PAN2: variants seen among roughly 807,000 people sequenced by gnomAD.
PAN2 encodes the protein poly(A) specific ribonuclease subunit PAN2, also known as PAN2-PAN3 deadenylation complex catalytic subunit PAN2.
A neutral mutation model predicts 133.3 loss-of-function variants in PAN2; 68 were observed. The observed-to-expected ratio is 0.51, with a 90% CI of 0.42 to 0.62. The LOEUF (loss-of-function observed/expected upper bound fraction) is 0.62, where lower values mean the gene tolerates loss of function less well. Ranked by LOEUF, PAN2 falls within the 20% of genes least tolerant of loss-of-function variation. The pLI, the probability that PAN2 is intolerant of heterozygous loss-of-function variation, is 0.00. For missense variants in PAN2, 1,042 were observed against 1,500.5 expected (o/e 0.69, Z 5.05); for synonymous variants, 462 against 544.6 (o/e 0.85, Z 2.11).
Position 56,326,293 on chromosome 12 carries a change from A to T in PAN2, c.1359+20T>A. The T allele has an allele frequency of 6.4e-7, 1 of 1,566,076 alleles. No homozygotes were observed. Among genetic ancestry groups the T allele is most frequent in the Non-Finnish European group, 8.7e-7 (1 of 1,145,350 alleles). On this transcript the variant is annotated intron_variant, in intron 8 of 25. Transcript: ENST00000440411. The stretch of plus-strand genomic sequence containing the variant: ...CTTCAGTGGGCCGGGGTCGGGGCTG[A>T]CCCTCCACTCTGAACACACCTGATT...
intron 6 of PAN2, 89 bp from the exon 7 acceptor site, chr12:56,327,048 G>T: frequency 9.0e-7 from 1 of 1,109,414 alleles, no homozygotes; most frequent in Non-Finnish European, 1.3e-6. Context: ...CCTGATTTCA[G>T]GACAAGATGG....
Position 56,325,360 on chromosome 12 carries a change from T to C in PAN2, c.1454A>G (p.His485Arg). Residue 485 changes from histidine to arginine, a missense_variant, in exon 9 of 26, where the codon CAC (histidine) becomes CGC (arginine). Physicochemically the swap from His to Arg is conservative, Grantham distance 29. This residue lies in a region of PAN2 where 908 missense variants were observed against 1,223.5 expected (regional missense o/e 0.74). Coordinates refer to ENST00000440411, the MANE Select transcript of PAN2 (RefSeq NM_014871.6). Reference sequence around the variant, plus strand: ...CTTGCGGTATTTCTTAGAAACCATGTGGAGATGTGGTTCCTCTTCTCGTCC... The same window carrying C: ...CTTGCGGTATTTCTTAGAAACCATGCGGAGATGTGGTTCCTCTTCTCGTCC... ...PVGREEEPHL[H>R]MVSKKYRKVT... 4 of 1,614,132 alleles carry C rather than the reference T, an allele frequency of 2.5e-6. No individual in the cohort carries two copies. The highest frequency in any genetic ancestry group is 3.4e-6 in the Non-Finnish European group (4 of 1,179,972).
chr12:56,323,678 C>A, intron 14 of PAN2, 80 bp from the exon 15 acceptor site: 1 of 1,467,206 alleles, frequency 6.8e-7, no homozygotes, highest in South Asian at 1.1e-5. Context: ...TCTGCGTCTT[C>A]AAACTGGGAT....
At position 56,328,652 on chromosome 12, in the gene PAN2, CA is replaced by C. The variant is rs1875388689; in HGVS notation, c.283-12del. ...TGAAGTGGCATGGCCCTATAGAGGA[CA>C]AAGACAACAGAGACACTTAGAGTGG... On this transcript the variant is annotated splice_polypyrimidine_tract_variant and intron_variant, in intron 2 of 25. Coordinates refer to ENST00000440411, the MANE Select transcript of PAN2 (RefSeq NM_014871.6). 3 of 1,612,916 alleles carry C rather than the reference CA, an allele frequency of 1.9e-6. No individual in the cohort carries two copies. Among genetic ancestry groups the C allele is most frequent in the African/African-American group, 1.3e-5 (1 of 74,910 alleles).
At position 56,317,660 on chromosome 12, in the gene PAN2, CA is replaced by C. The variant is rs767335246; in HGVS notation, c.3563-18del. 6.2e-7 allele frequency: 1 copy of C among 1,611,664 alleles called. No homozygotes were observed. The highest frequency in any genetic ancestry group is 1.7e-5 in the Admixed American group (1 of 59,998). On this transcript the variant is annotated intron_variant, in intron 25 of 25. Coordinates refer to ENST00000440411, the MANE Select transcript of PAN2 (RefSeq NM_014871.6). ...CAGCTGCATCTGTCAGAGACAAAAC[CA>C]AAAGCATGATTCAAGCTGAGTGGAG... is the stretch of plus-strand genomic sequence containing the variant.
In PAN2 at chr12:56,324,102, C is replaced by T; in HGVS notation, c.2012G>A (p.Ser671Asn). 6.2e-7 allele frequency: 1 copy of T among 1,614,178 alleles called. No individual in the cohort carries two copies. The highest frequency in any genetic ancestry group is 8.5e-7 in the Non-Finnish European group (1 of 1,180,038). ...AGTGGATGAGGCTCGCACGGTCTCACTGCCACAGCGGCAGAGGCTGCAGTT... is the reference window on the plus strand; with the variant it reads ...AGTGGATGAGGCTCGCACGGTCTCATTGCCACAGCGGCAGAGGCTGCAGTT... ...MENCSLCRCG[S>N]ETVRASSTLL... Residue 671 changes from serine to asparagine, a missense_variant, in exon 13 of 26, where the codon AGT (serine) becomes AAT (asparagine). Ser to Asn is a conservative substitution (Grantham distance 46, BLOSUM62 1). Transcript: ENST00000440411.
At chr12:56,329,843 C>T (rs1347267963) in intron 2 of PAN2, among the ~76,000 whole-genome samples, 1 of 150,040 alleles carries the variant, frequency 6.7e-6, no homozygotes, top group African/African-American at 2.5e-5. Flanking sequence ...ACTCAGGAGG[C>T]TGAGGCAGGA....
rs1876074985 is a variant in PAN2, at chr12:56,332,857, G to C, written c.238C>G (p.His80Asp). Residue 80 changes from histidine to aspartate, a missense_variant, in exon 2 of 26, where the codon CAC becomes GAC. His to Asp is a moderately conservative substitution (Grantham distance 81). Transcript: ENST00000440411. ...AGCATCTCCTCGTGCAAGTCAAAGT[G>C]GGAGACGGAAACAGGTACACCCACT... ...AEVGVPVSVS[H>D]FDLHEEMLWV... The C allele has an allele frequency of 6.2e-7, 1 of 1,614,058 alleles. No individual in the cohort carries two copies. Among genetic ancestry groups the C allele is most frequent in the African/African-American group, 1.3e-5 (1 of 74,918 alleles).
Position 56,318,367 on chromosome 12 carries a change from TCG to T in PAN2, c.3430_3431del (p.Arg1144LysfsTer11). On this transcript the variant is annotated frameshift_variant, in exon 25 of 26. Coordinates refer to ENST00000440411, the MANE Select transcript of PAN2 (RefSeq NM_014871.6). LOFTEE classifies it high-confidence loss of function. ...CATTTTTGCTTAGCTCCAGATACTTTCGGTACAGCTGAAGGGCTGTGCGGGCA... is the reference window on the plus strand; with the variant it reads ...CATTTTTGCTTAGCTCCAGATACTTTGTACAGCTGAAGGGCTGTGCGGGCA... ...EDARTALQLY[R>X]KYLELSKNGT... 1 of 1,614,060 alleles carries T rather than the reference TCG, an allele frequency of 6.2e-7. No individual in the cohort carries two copies. The highest frequency in any genetic ancestry group is 8.5e-7 in the Non-Finnish European group (1 of 1,179,980).
chr12:56,320,134 C>G (rs1383494833), intron 20 of PAN2, 113 bp from the exon 21 acceptor site: 1 of 929,826 alleles, frequency 1.1e-6, no homozygotes, highest in Non-Finnish European at 1.7e-6. Context: ...CCTCAATAAT[C>G]AAAGCACGTG....
At chr12:56,317,968 G>T (rs1034566141) in intron 25 of PAN2, among the ~76,000 whole-genome samples, 23 of 152,174 alleles carry the variant, frequency 1.5e-4, no homozygotes, top group African/African-American at 5.1e-4. Context: ...CTTGAGCCCA[G>T]GAGTTTAAGA....
chr12:56,321,850 C>CA (rs878877886), intron 20 of PAN2, among the ~76,000 whole-genome samples: 186 of 105,436 alleles, frequency 1.8e-3, no homozygotes, highest in South Asian at 2.9e-3. Context: ...GACTGCATCT[C>CA]AAAAAAAAAA....
intron 20 of PAN2, 47 bp from the exon 21 acceptor site, chr12:56,320,068 C>G: frequency 3.8e-6 from 6 of 1,595,032 alleles, no homozygotes; most frequent in Non-Finnish European, 5.2e-6. Context: ...AGGGAAGTGA[C>G]TAGGGGAGAG....
chr12:56,322,340 G>T, intron 19 of PAN2, 83 bp downstream of exon 19: 1 of 1,224,444 alleles, frequency 8.2e-7, no homozygotes, highest in Non-Finnish European at 1.2e-6. Context: ...TGTTGAATCT[G>T]CCTGGCATTC....
intron 12 of PAN2, 47 bp from the exon 13 acceptor site, chr12:56,324,232 C>T: frequency 6.2e-7 from 1 of 1,611,338 alleles, no homozygotes. Context: ...AGTTAGGAGA[C>T]CTTTTAAATC....
chr12:56,333,277 A>T, intron 1 of PAN2, 69 bp from the exon 2 acceptor site: 3 of 576,580 alleles, frequency 5.2e-6, no homozygotes, highest in Non-Finnish European at 6.1e-6. Flanking sequence ...CTTCTAGGTT[A>T]TGGGGGCAGG....
At position 56,327,522 on chromosome 12, in the gene PAN2, A is replaced by T. The variant is rs199645348; in HGVS notation, c.761T>A (p.Phe254Tyr). 22 of 1,614,252 alleles carry T rather than the reference A, an allele frequency of 1.4e-5. No individual in the cohort carries two copies. In the East Asian group the frequency reaches 3.8e-4, roughly 28 times the overall value. The change falls in exon 6 of 26, where the codon TTC becomes TAC. Residue 254 changes from phenylalanine to tyrosine, a missense_variant. This residue lies in a region of PAN2 where 908 missense variants were observed against 1,223.5 expected (regional missense o/e 0.74). Coordinates refer to ENST00000440411, the MANE Select transcript of PAN2 (RefSeq NM_014871.6). ...GGCCAGGCCAGTGAGGCGGCTGGAG[A>T]AGCCACAGGCAGCTAGCAGGTTGCC... Reference protein sequence around the residue: ...VHGNLLAACGFSSRLTGLACD... With the variant: ...VHGNLLAACGYSSRLTGLACD...
At chr12:56,329,620 C>G (rs891424777) in intron 2 of PAN2, among the ~76,000 whole-genome samples, 1 of 151,730 alleles carries the variant, frequency 6.6e-6, no homozygotes, top group African/African-American at 2.4e-5. Context: ...CATCAGTCAC[C>G]GCACCTGGCC....
chr12:56,325,860 G>A (rs572165875), intron 8 of PAN2, among the ~76,000 whole-genome samples: 1 of 152,314 alleles, frequency 6.6e-6, no homozygotes, highest in South Asian at 2.1e-4. Context: ...CCTCAGATAT[G>A]TGTTTTGCAT....
Sources: gnomAD v4.1 joint callset for allele counts (sites outside exome capture counted in the v4.1 genomes callset) on GRCh38, gnomAD v4.1.1 for gene constraint, gnomAD v4.1.1 regional missense constraint, MANE v1.5 for transcripts, NCBI Gene and HGNC (gene_info 2026-07-23, HGNC 2026-07-21) for gene names.